The following GALNT8 variants were observed in gnomAD, a reference collection of about 807,000 sequenced individuals.
GALNT8 encodes probable polypeptide N-acetylgalactosaminyltransferase 8.
GALNT8 carries 66 observed loss-of-function variants against 62.7 expected under a neutral mutation model. That is an observed-to-expected ratio of 1.05 (90% confidence interval 0.86 to 1.29). GALNT8 has a LOEUF of 1.29. GALNT8 is among the 50% of genes most tolerant of loss of function. The pLI, the probability that GALNT8 is intolerant of heterozygous loss-of-function variation, is 0.00. For missense variants in GALNT8, 771 were observed against 791.8 expected, an observed-to-expected ratio of 0.97 and a Z score of 0.32; for synonymous variants, 288 against 294.3, an observed-to-expected ratio of 0.98 and a Z score of 0.22.
rs1416741055 is a variant in GALNT8, at chr12:4,745,467, CTG to C, written c.902_903del (p.Val301AspfsTer7). ...TTGGCTCGGATTCAGGAGGACCGCA[CTG>C]TGATTGTGTCTCCTGTGTTTGACAA... is the stretch of plus-strand genomic sequence containing the variant. On this transcript the variant is annotated frameshift_variant, in exon 5 of 11. Transcript: ENST00000252318. LOFTEE classifies it high-confidence loss of function. 6.2e-7 allele frequency: 1 copy of C among 1,613,200 alleles called. No individual in the cohort carries two copies. Among genetic ancestry groups the C allele is most frequent in the South Asian group, 1.1e-5 (1 of 91,070 alleles).
chr12:4,754,741 C>A (rs542094404), intron 6 of GALNT8, among the ~76,000 whole-genome samples: 1 of 152,156 alleles, frequency 6.6e-6, no homozygotes, highest in Non-Finnish European at 1.5e-5. Flanking sequence ...GACTTACCCA[C>A]GGCCCTCAAT....
At position 4,763,260 on chromosome 12, in the gene GALNT8, G is replaced by A. The variant is rs761333196; in HGVS notation, c.1367G>A (p.Gly456Glu). The A allele has an allele frequency of 3.1e-6, 5 of 1,612,662 alleles. No individual in the cohort carries two copies. Among genetic ancestry groups the A allele is most frequent in the South Asian group, 1.1e-5 (1 of 91,024 alleles). The change falls in exon 8 of 11, where the codon GGA (glycine) becomes GAA (glutamate). Residue 456 changes from glycine (G) to glutamate (E), a missense_variant. Gly to Glu is a moderately conservative substitution (Grantham distance 98). Coordinates refer to ENST00000252318, the MANE Select transcript of GALNT8 (RefSeq NM_017417.2). ...TTGGCGTTTTATTTACAGAACTCTGGAATAGATTTTGGAGACGTTTCTTCC... is the reference window on the plus strand; with the variant it reads ...TTGGCGTTTTATTTACAGAACTCTGAAATAGATTTTGGAGACGTTTCTTCC... ...LAWNIPLQNS[G>E]IDFGDVSSRM...
At chr12:4,747,308 T>C (rs955489981) in intron 6 of GALNT8, among the ~76,000 whole-genome samples, 1 of 152,184 alleles carries the variant, frequency 6.6e-6, no homozygotes, top group East Asian at 1.9e-4. Context: ...TAGTAGGTCT[T>C]ATTTGTCTTA....
intron 10 of GALNT8, among the ~76,000 whole-genome samples, chr12:4,768,808 T>TGATTGAATGTTGGGCTCTTCTG (rs1946410908): frequency 2.0e-5 from 3 of 152,232 alleles, no homozygotes; most frequent in Non-Finnish European, 2.9e-5. Context: ...AAATGATACT[T>TGATTGAATGTTGGGCTCTTCTG]GATTGAATGT....
At chr12:4,754,723 G>C (rs1332852947) in intron 6 of GALNT8, among the ~76,000 whole-genome samples, 1 of 152,120 alleles carries the variant, frequency 6.6e-6, no homozygotes, top group Non-Finnish European at 1.5e-5. Context: ...AAGCCAGCAA[G>C]TCTCAGAGAC....
chr12:4,738,849 A>C (rs964852783), intron 2 of GALNT8, among the ~76,000 whole-genome samples: 1 of 152,200 alleles, frequency 6.6e-6, no homozygotes, highest in Non-Finnish European at 1.5e-5. Context: ...GACAAGAAGA[A>C]GGCTGCCAGC....
At chr12:4,743,284 C>T (rs1946280270) in intron 3 of GALNT8, among the ~76,000 whole-genome samples, 1 of 152,212 alleles carries the variant, frequency 6.6e-6, no homozygotes, top group South Asian at 2.1e-4. Context: ...AAAGTAGTGC[C>T]TGGGTAAGTG....
At chr12:4,725,649 G>A (rs953290064) in intron 1 of GALNT8, among the ~76,000 whole-genome samples, 5 of 142,564 alleles carry the variant, frequency 3.5e-5, no homozygotes, top group Non-Finnish European at 6.0e-5. Context: ...TCCACCTCCC[G>A]GGTTCAAGCA....
chr12:4,723,421 C>T (rs1417021768), intron 1 of GALNT8, among the ~76,000 whole-genome samples: 2 of 152,148 alleles, frequency 1.3e-5, no homozygotes, highest in Admixed American at 1.3e-4. Context: ...GCACCACCCT[C>T]ACTATTTGGC....
chr12:4,724,146 C>G (rs1946183917), intron 1 of GALNT8, among the ~76,000 whole-genome samples: 1 of 65,982 alleles, frequency 1.5e-5, no homozygotes, highest in African/African-American at 6.0e-5. Flanking sequence ...GAGACTCCGT[C>G]TCAAAAAAAA....
chr12:4,752,612 T>C (rs1004877138), intron 6 of GALNT8, among the ~76,000 whole-genome samples: 1 of 152,126 alleles, frequency 6.6e-6, no homozygotes, highest in African/African-American at 2.4e-5. Context: ...TTTCTATTTA[T>C]ATCTTACTGT....
intron 2 of GALNT8, among the ~76,000 whole-genome samples, chr12:4,730,306 A>G (rs183594478): frequency 2.2e-4 from 33 of 151,902 alleles, no homozygotes; most frequent in Admixed American, 1.8e-3. Context: ...TGTCCTGGAA[A>G]ATTTTCTCTA....
Position 4,720,731 on chromosome 12 carries a change from C to T in GALNT8, c.54C>T (p.Ala18=), listed in dbSNP as rs753527188. The change falls in exon 1 of 11, where the codon GCC becomes GCT. Residue 18 remains alanine, a synonymous_variant. Coordinates refer to ENST00000252318, the MANE Select transcript of GALNT8 (RefSeq NM_017417.2). The stretch of plus-strand genomic sequence containing the variant: ...CCCTCTTCATTGGGCTGACTCTGGC[C>T]ATTGCTGTCAATCTCCTTCTGGTAT... The part of the protein sequence containing the change: ...PKALFIGLTL[A]IAVNLLLVFS... 1 of 1,613,894 alleles carries T rather than the reference C, an allele frequency of 6.2e-7. No homozygotes were observed. Among genetic ancestry groups the T allele is most frequent in the Non-Finnish European group, 8.5e-7 (1 of 1,179,768 alleles).
chr12:4,756,968 C>T (rs963014591), intron 6 of GALNT8, among the ~76,000 whole-genome samples: 20 of 152,050 alleles, frequency 1.3e-4, no homozygotes, highest in Non-Finnish European at 2.8e-4. Flanking sequence ...TGGATCATGT[C>T]GGGGGGGTTT....
chr12:4,732,510 C>T (rs12299825), intron 2 of GALNT8, among the ~76,000 whole-genome samples: 11,877 of 32,190 alleles, frequency 0.37, 2,528 homozygotes, highest in Non-Finnish European at 0.4. Context: ...GATTCTCTGC[C>T]GGGAGGAGTG....
At chr12:4,756,924 C>T (rs1946347618) in intron 6 of GALNT8, among the ~76,000 whole-genome samples, 2 of 152,156 alleles carry the variant, frequency 1.3e-5, no homozygotes, top group South Asian at 2.1e-4. Flanking sequence ...CCCATAATCC[C>T]CATGTGTCAA....
chr12:4,726,583 T>C lies in GALNT8; in HGVS notation c.263T>C (p.Leu88Pro). Reference protein sequence around the residue: ...LRQQENVNSTLKRAKDEVRPL... With the variant: ...LRQQENVNSTPKRAKDEVRPL... ...CAACAAGAAAATGTGAACAGCACAC[T>C]GAAGAGGGCGAAAGATGAAGTACGC... Residue 88 changes from leucine (L) to proline (P), a missense_variant, in exon 2 of 11, where the codon CTG becomes CCG. By Grantham distance (98) the Leu-to-Pro change is moderately conservative. Coordinates refer to ENST00000252318, the MANE Select transcript of GALNT8 (RefSeq NM_017417.2). The surrounding 1 kb of genome is among the most constrained non-coding windows in gnomAD (Gnocchi z 4.1). 1 of 1,613,552 alleles carries C rather than the reference T, an allele frequency of 6.2e-7. No homozygotes were observed. The highest frequency in any genetic ancestry group is 8.5e-7 in the Non-Finnish European group (1 of 1,179,502).
intron 1 of GALNT8, among the ~76,000 whole-genome samples, chr12:4,724,275 C>G (rs1484344237): frequency 6.6e-6 from 1 of 151,836 alleles, no homozygotes. Context: ...ATCAATGACT[C>G]TAAGCCAGTT....
At position 4,726,590 on chromosome 12, in the gene GALNT8, G is replaced by A; in HGVS notation, c.270G>A (p.Arg90=). 6.2e-7 allele frequency: 1 copy of A among 1,613,526 alleles called. No individual in the cohort carries two copies. Among genetic ancestry groups the A allele is most frequent in the Non-Finnish European group, 8.5e-7 (1 of 1,179,574 alleles). ...QQENVNSTLK[R]AKDEVRPLLK... ...AAAATGTGAACAGCACACTGAAGAG[G>A]GCGAAAGATGAAGTACGCCCTCTTC... The change falls in exon 2 of 11, where the codon AGG becomes AGA. Residue 90 remains arginine (R), a synonymous_variant. Coordinates refer to ENST00000252318, the MANE Select transcript of GALNT8 (RefSeq NM_017417.2). This position sits in a 1 kb window ranked among gnomAD's most constrained non-coding sequence, Gnocchi z 4.1.
Sources: gnomAD v4.1 joint callset for allele counts (sites outside exome capture counted in the v4.1 genomes callset) on GRCh38, gnomAD v4.1.1 for gene constraint, Gnocchi (gnomAD v3.1) non-coding constraint, MANE v1.5 for transcripts, NCBI Gene and HGNC (gene_info 2026-07-23, HGNC 2026-07-21) for gene names.